SAMMSON: variants seen among roughly 807,000 people sequenced by gnomAD.
SAMMSON encodes the protein survival associated mitochondrial melanoma specific oncogenic non-coding RNA.
chr3:70,048,343 AT>A (rs2067134663), intron 3 of SAMMSON, among the ~76,000 whole-genome samples: 1 of 152,260 alleles, frequency 6.6e-6, no homozygotes, highest in Admixed American at 6.5e-5. Context: ...CTGAAACTTG[AT>A]TTCCTCATCT....
At chr3:70,336,149 T>C (rs1702658726) in intron 7 of SAMMSON, among the ~76,000 whole-genome samples, 1 of 151,960 alleles carries the variant, frequency 6.6e-6, no homozygotes, top group South Asian at 2.1e-4. Flanking sequence ...AGCTTAGACA[T>C]CTCCTAAGCT....
At chr3:70,097,107 A>C (rs1205926291) in intron 4 of SAMMSON, among the ~76,000 whole-genome samples, 1 of 152,204 alleles carries the variant, frequency 6.6e-6, no homozygotes, top group African/African-American at 2.4e-5. Flanking sequence ...ATTGGGTGCC[A>C]CCCCAAACAC....
intron 7 of SAMMSON, among the ~76,000 whole-genome samples, chr3:70,340,724 C>A (rs558740305): frequency 6.6e-6 from 1 of 152,236 alleles, no homozygotes; most frequent in South Asian, 2.1e-4. Context: ...TAAATGCATA[C>A]TGCATTATTC....
intron 6 of SAMMSON, among the ~76,000 whole-genome samples, chr3:70,276,811 A>T (rs1194792692): frequency 6.6e-6 from 1 of 152,232 alleles, no homozygotes; most frequent in Non-Finnish European, 1.5e-5. Flanking sequence ...TAAGCCAGAA[A>T]TATTTACTAT....
At chr3:70,154,513 T>C (rs1485727181) in intron 4 of SAMMSON, among the ~76,000 whole-genome samples, 3 of 152,044 alleles carry the variant, frequency 2.0e-5, no homozygotes, top group African/African-American at 7.2e-5. Context: ...TGAATTGATC[T>C]GGGGTTGGGT....
chr3:70,107,873 T>A (rs2067373300), intron 4 of SAMMSON, among the ~76,000 whole-genome samples: 1 of 152,112 alleles, frequency 6.6e-6, no homozygotes, highest in African/African-American at 2.4e-5. Context: ...ATTGAAGACA[T>A]CCTGCAATGT....
chr3:70,170,907 T>A (rs550063761), intron 4 of SAMMSON, among the ~76,000 whole-genome samples: 1 of 151,920 alleles, frequency 6.6e-6, no homozygotes, highest in Admixed American at 6.6e-5. Context: ...TCAAATACAC[T>A]GTTCTTAAAC....
chr3:70,017,634 G>T (rs2066991786), intron 3 of SAMMSON, among the ~76,000 whole-genome samples: 1 of 152,108 alleles, frequency 6.6e-6, no homozygotes, highest in Non-Finnish European at 1.5e-5. Context: ...AATAGGAGTG[G>T]TGAGAGAGGG....
chr3:70,044,897 A>G (rs1425550868), intron 3 of SAMMSON, among the ~76,000 whole-genome samples: 1 of 145,730 alleles, frequency 6.9e-6, no homozygotes, highest in Non-Finnish European at 1.5e-5. Flanking sequence ...AATTATATTA[A>G]AATATTACAT....
At chr3:70,125,750 T>C (rs2067455419) in intron 4 of SAMMSON, 1 of 668,824 alleles carries the variant, frequency 1.5e-6, no homozygotes, top group East Asian at 2.7e-5. Flanking sequence ...GAAAGTATGT[T>C]CAACATATCC....
At chr3:70,356,544 C>T (rs1218772501) in intron 8 of SAMMSON, among the ~76,000 whole-genome samples, 1 of 152,136 alleles carries the variant, frequency 6.6e-6, no homozygotes, top group Non-Finnish European at 1.5e-5. Flanking sequence ...TAATGACATT[C>T]TCAAGATCCA....
At chr3:70,419,099 A>G (rs1575645562) in intron 2 of SAMMSON, among the ~76,000 whole-genome samples, 2 of 150,738 alleles carry the variant, frequency 1.3e-5, no homozygotes, top group Non-Finnish European at 2.9e-5. Context: ...ATCTCTGCTC[A>G]CTGCAATCTC....
intron 9 of SAMMSON, among the ~76,000 whole-genome samples, chr3:70,361,136 A>T (rs1215587001): frequency 3.9e-5 from 6 of 152,262 alleles, no homozygotes; most frequent in Admixed American, 3.9e-4. Flanking sequence ...CTTTAAGGGC[A>T]AAACCCTTAA....
chr3:70,249,147 C>T (rs1034263973), exon 5 of SAMMSON: 6 of 152,132 alleles, frequency 3.9e-5, no homozygotes, highest in African/African-American at 1.4e-4. Context: ...TGTGGATGTA[C>T]ACTTGGACCA....
At chr3:70,249,546 C>A (rs1316435914) in intron 5 of SAMMSON, 2 of 152,104 alleles carry the variant, frequency 1.3e-5, no homozygotes, top group Non-Finnish European at 2.9e-5. Context: ...TTTATGCCTG[C>A]CCCTTTAGGT....
chr3:70,365,970 CTTTTTTTT>C (rs1193657961), intron 9 of SAMMSON, among the ~76,000 whole-genome samples: 7 of 27,766 alleles, frequency 2.5e-4, no homozygotes, highest in Non-Finnish European at 4.4e-4. Flanking sequence ...TTTACCTTTT[CTTTTTTTT>C]TTTTTTTTTT....
chr3:70,005,637 G>T (rs1360836741), intron 1 of SAMMSON, among the ~76,000 whole-genome samples: 1 of 152,170 alleles, frequency 6.6e-6, no homozygotes, highest in Non-Finnish European at 1.5e-5. Context: ...AGAAAAAGGG[G>T]CAGAGCATTT....
downstream of SAMMSON, among the ~76,000 whole-genome samples, chr3:70,393,215 A>G (rs1248969796): frequency 6.6e-6 from 1 of 152,210 alleles, no homozygotes. Context: ...CTGCATTCTC[A>G]AAAGCTGGTA....
In SAMMSON at chr3:70,188,396, T is replaced by G. The variant is rs887817544; in HGVS notation, n.508-60711T>G. 1.1e-4 allele frequency among the ~76,000 whole-genome samples: 16 copies of G among 152,328 alleles called. No individual in the cohort carries two copies. In the East Asian group the frequency reaches 3.1e-3, roughly 29 times the overall value. ...TGGCTGTTTATACAGCACTGACACA[T>G]AAGTGCTTATTAAAATTACCTACTA... is the stretch of plus-strand genomic sequence containing the variant. On this transcript the variant is annotated intron_variant and non_coding_transcript_variant, in intron 4 of 9. Transcript: ENST00000642114.
Sources: allele counts gnomAD v4.1 joint callset (sites outside exome capture counted in the v4.1 genomes callset), GRCh38; gene constraint gnomAD v4.1.1; transcripts MANE v1.5; gene names NCBI Gene and HGNC (gene_info 2026-07-23, HGNC 2026-07-21).